The following ZNF737 variants were observed in gnomAD, a reference collection of about 807,000 sequenced individuals.
The protein encoded by ZNF737 is zinc finger protein 102 (Y3).
ZNF737 carries 13 observed loss-of-function variants against 11.7 expected under a neutral mutation model. The ratio of observed to expected loss-of-function variants is 1.11; its 90% CI spans 0.73 to 1.77. ZNF737 has a LOEUF of 1.77. ZNF737 is among the 40% of genes most tolerant of loss of function. The pLI is 0.00. For missense variants in ZNF737, 636 were observed against 638.0 expected, an observed-to-expected ratio of 1.00 and a Z score of 0.03; for synonymous variants, 217 against 216.2, an observed-to-expected ratio of 1.00 and a Z score of -0.03.
Position 20,543,748 on chromosome 19 carries a change from T to A in ZNF737, c.*844A>T. The A allele has an allele frequency of 1.0e-6, 1 of 985,328 alleles. No homozygotes were observed. The highest frequency in any genetic ancestry group is 1.2e-6 in the Non-Finnish European group (1 of 829,892). The allele number at this position is 985,328 out of a possible 1,614,324, so 61.0% of individuals were successfully genotyped here. A position where few individuals can be genotyped will look rare whatever the true frequency, so the allele number is the denominator to read the frequency against. On this transcript the variant is annotated 3_prime_UTR_variant, in exon 4 of 4. Coordinates refer to ENST00000427401, the MANE Select transcript of ZNF737 (RefSeq NM_001159293.2). ...ATAATTATTGTTATGTGTAGAGAAG[T>A]TGGAGGTGTTCGTAAAAGCAATGTC... is the stretch of plus-strand genomic sequence containing the variant.
chr19:20,533,312 T>C (rs781973573), downstream of ZNF737, among the ~76,000 whole-genome samples: 33 of 149,192 alleles, frequency 2.2e-4, 4 homozygotes, highest in Non-Finnish European at 4.1e-4. Flanking sequence ...TGAAAGGTTT[T>C]TGTATTACTG....
chr19:20,544,909 T>G lies in ZNF737; in HGVS notation c.1294A>C (p.Lys432Gln). ...AGGATAGAGAAGCACTTAAAGGCCTTGCCACATTCTTCACACTTGAAGGGT... is the reference window on the plus strand; with the variant it reads ...AGGATAGAGAAGCACTTAAAGGCCTGGCCACATTCTTCACACTTGAAGGGT... ...QQPFKCEECG[K>Q]AFKCFSILTT... is the part of the protein sequence containing the mutation. The change falls in exon 4 of 4, where the codon AAG (lysine) becomes CAG (glutamine). Residue 432 changes from lysine to glutamine, a missense_variant. Lys to Gln is a moderately conservative substitution (Grantham distance 53, BLOSUM62 1). Coordinates refer to ENST00000427401, the MANE Select transcript of ZNF737 (RefSeq NM_001159293.2). The G allele has an allele frequency of 6.2e-7, 1 of 1,613,182 alleles. No individual in the cohort carries two copies. The highest frequency in any genetic ancestry group is 8.5e-7 in the Non-Finnish European group (1 of 1,179,580).
At position 20,552,508 on chromosome 19, in the gene ZNF737, T is replaced by C. The variant is rs782246322; in HGVS notation, c.193A>G (p.Met65Val). 8.1e-6 allele frequency: 13 copies of C among 1,595,166 alleles called. No individual in the cohort carries two copies. The highest frequency in any genetic ancestry group is 1.7e-6 in the Non-Finnish European group (2 of 1,173,644). The part of the protein sequence containing the change: ...CLEQGKKPLT[M>V]KKHEMVANPS... ...TTGGCTACCATCTCATGTTTCTTCA[T>C]GGTCAAAGGTTTTTTTCCTTGCTCC... The change falls in exon 3 of 4, where the codon ATG (methionine) becomes GTG (valine). Residue 65 changes from methionine (M) to valine (V), a missense_variant. Transcript: ENST00000427401.
downstream of ZNF737, among the ~76,000 whole-genome samples, chr19:20,534,728 G>A (rs1466707588): frequency 9.3e-5 from 14 of 149,786 alleles, 1 homozygote; most frequent in East Asian, 2.0e-4. Context: ...TAAACTTCAC[G>A]AGATTTTATG....
At chr19:20,537,217 T>C (rs1266903191), downstream of ZNF737, among the ~76,000 whole-genome samples, 8 of 152,010 alleles carry the variant, frequency 5.3e-5, no homozygotes, top group African/African-American at 1.4e-4. Context: ...TTTTCTTTTT[T>C]GAGATGGAGT....
chr19:20,533,711 T>C (rs1482306463), downstream of ZNF737, among the ~76,000 whole-genome samples: 1 of 150,178 alleles, frequency 6.7e-6, no homozygotes, highest in African/African-American at 2.5e-5. Context: ...AATAAGGCCC[T>C]GCATTTCTTT....
At chr19:20,549,086 A>G (rs1046475719) in intron 3 of ZNF737, among the ~76,000 whole-genome samples, 8 of 152,090 alleles carry the variant, frequency 5.3e-5, no homozygotes, top group African/African-American at 1.2e-4. Context: ...GACTATCTCC[A>G]TAAGTACTCA....
chr19:20,553,649 AAGAG>A, intron 2 of ZNF737, 56 bp downstream of exon 2: 2 of 1,512,024 alleles, frequency 1.3e-6, no homozygotes, highest in African/African-American at 1.4e-5. Flanking sequence ...AAAATTCTAC[AAGAG>A]AGAGAAATAA....
chr19:20,561,676 C>T (rs781929553), intron 1 of ZNF737, among the ~76,000 whole-genome samples: 3 of 151,830 alleles, frequency 2.0e-5, no homozygotes, highest in African/African-American at 4.8e-5. Flanking sequence ...AACACCAACT[C>T]ATTGTCTAAC....
In ZNF737 at chr19:20,565,670, T is replaced by G; in HGVS notation, c.-30A>C. 2 of 1,614,112 alleles carry G rather than the reference T, an allele frequency of 1.2e-6. No individual in the cohort carries two copies. The highest frequency in any genetic ancestry group is 1.7e-6 in the Non-Finnish European group (2 of 1,180,030). ...AGGCTTCCAGGGGCTCCCGGGCGTCTTAGCTGTGGATCTCCCAATACCTGC... is the reference window on the plus strand; with the variant it reads ...AGGCTTCCAGGGGCTCCCGGGCGTCGTAGCTGTGGATCTCCCAATACCTGC... On this transcript the variant is annotated 5_prime_UTR_variant, in exon 1 of 4. Transcript: ENST00000427401.
In ZNF737 at chr19:20,548,981, C is replaced by CAAAAAACAG. The variant is rs66835154; in HGVS notation, c.227-3006_227-3005insCTGTTTTTT. Among the ~76,000 whole-genome samples the CAAAAAACAG allele has an allele frequency of 9.6e-5, 9 of 93,338 alleles. No individual in the cohort carries two copies. In the East Asian group the frequency reaches 2.4e-3, roughly 25 times the overall value. The allele number at this position is 93,338 out of a possible 152,430, so 61.2% of individuals were successfully genotyped here. On this transcript the variant is annotated intron_variant, in intron 3 of 3. Transcript: ENST00000427401. ...AAAACTGAAAAAAAAAAAAAAAAAACAATTATGTATCTTTTTGAAATTTAC... is the reference window on the plus strand; with the variant it reads ...AAAACTGAAAAAAAAAAAAAAAAAACAAAAAACAGAATTATGTATCTTTTTGAAATTTAC...
chr19:20,548,962 G>GAAAAAAAAAAAAATAAAAAAAA (rs1968556927), intron 3 of ZNF737, among the ~76,000 whole-genome samples: 1 of 86,442 alleles, frequency 1.2e-5, no homozygotes, highest in African/African-American at 5.2e-5. Flanking sequence ...AAGAAAAACT[G>GAAAAAAAAAAAAATAAAAAAAA]AAAAAAAAAA....
intron 3 of ZNF737, among the ~76,000 whole-genome samples, chr19:20,547,692 T>G (rs1221244878): frequency 7.4e-6 from 1 of 134,866 alleles, no homozygotes; most frequent in African/African-American, 2.9e-5. Flanking sequence ...ACATACAAAA[T>G]CATTAATTTA....
intron 3 of ZNF737, chr19:20,551,395 C>T (rs370467323): frequency 2.2e-5 from 3 of 138,426 alleles, no homozygotes; most frequent in African/African-American, 8.3e-5. Flanking sequence ...CGCCATTGCA[C>T]TTTAGCCTGG....
chr19:20,540,824 T>C lies in ZNF737; in HGVS notation c.*3768A>G. 1.1e-6 allele frequency: 1 copy of C among 921,736 alleles called. No homozygotes were observed. The highest frequency in any genetic ancestry group is 1.3e-6 in the Non-Finnish European group (1 of 772,192). 57.1% of individuals were successfully genotyped at this position (921,736 alleles called of 1,614,324 possible). Reference sequence around the variant, plus strand: ...CATAAACAAAGATATCAACTGGATATAATAATTAACTACTTTTTAGTTTTA... The same window carrying C: ...CATAAACAAAGATATCAACTGGATACAATAATTAACTACTTTTTAGTTTTA... On this transcript the variant is annotated 3_prime_UTR_variant, in exon 4 of 4. Coordinates refer to ENST00000427401, the MANE Select transcript of ZNF737 (RefSeq NM_001159293.2).
At chr19:20,549,800 C>T (rs1359116638) in intron 3 of ZNF737, among the ~76,000 whole-genome samples, 3 of 151,732 alleles carry the variant, frequency 2.0e-5, no homozygotes, top group African/African-American at 7.3e-5. Context: ...GACGGTGACA[C>T]ACGCCTGTAA....
chr19:20,539,832 A>G lies in ZNF737; in HGVS notation c.*4760T>C. 1.0e-6 allele frequency: 1 copy of G among 985,452 alleles called. No individual in the cohort carries two copies. The highest frequency in any genetic ancestry group is 4.7e-5 in the South Asian group (1 of 21,280). The allele number at this position is 985,452 out of a possible 1,614,324, so 61.0% of individuals were successfully genotyped here. ...AACCTGTGTCACCAGAATGGTGCAG[A>G]CATGCTGATTGAATTAGAATGAGTT... On this transcript the variant is annotated 3_prime_UTR_variant, in exon 4 of 4. Transcript: ENST00000427401.
downstream of ZNF737, among the ~76,000 whole-genome samples, chr19:20,534,324 AC>A (rs1967900815): frequency 6.7e-6 from 1 of 149,924 alleles, no homozygotes; most frequent in Admixed American, 6.7e-5. Context: ...TGCCTGTAAT[AC>A]CAGGTACTGG....
At position 20,544,626 on chromosome 19, in the gene ZNF737, G is replaced by A. The variant is rs1555755877; in HGVS notation, c.1577C>T (p.Thr526Ile). The A allele has an allele frequency of 6.2e-7, 1 of 1,607,088 alleles. No homozygotes were observed. The highest frequency in any genetic ancestry group is 8.5e-7 in the Non-Finnish European group (1 of 1,177,148). The stretch of plus-strand genomic sequence containing the variant: ...CTCTCCAGTATGAATTACCTTATGT[G>A]TAGTAAGGGTAGAGGGGCACTTAAA... ...KGFKCPSTLT[T>I]HKVIHTGEKL is the part of the protein sequence containing the mutation. Residue 526 changes from threonine (T) to isoleucine (I), a missense_variant, in exon 4 of 4, where the codon ACA becomes ATA. Physicochemically the swap from Thr to Ile is moderately conservative, Grantham distance 89. Coordinates refer to ENST00000427401, the MANE Select transcript of ZNF737 (RefSeq NM_001159293.2).
Sources: allele counts gnomAD v4.1 joint callset (sites outside exome capture counted in the v4.1 genomes callset), GRCh38; gene constraint gnomAD v4.1.1; transcripts MANE v1.5; gene names NCBI Gene and HGNC (gene_info 2026-07-23, HGNC 2026-07-21).